Variants in THAP5 observed in about 807,000 individuals in gnomAD.
THAP5 encodes THAP domain-containing protein 5.
Under a neutral mutation model 34.0 loss-of-function variants are expected in THAP5, and 26 were observed. The ratio of observed to expected loss-of-function variants is 0.77; its 90% CI spans 0.56 to 1.06. THAP5 has a LOEUF of 1.06. THAP5 is among the 50% of genes least tolerant of loss of function. The pLI, the probability that THAP5 is intolerant of heterozygous loss-of-function variation, is 0.00. For synonymous variants in THAP5, 125 were observed against 153.0 expected (o/e 0.82, Z 1.35); for missense variants, 394 against 452.8 (o/e 0.87, Z 1.18).
chr7:108,552,533 C>T (rs939300270), downstream of THAP5, among the ~76,000 whole-genome samples: 2 of 152,234 alleles, frequency 1.3e-5, no homozygotes, highest in Admixed American at 1.3e-4. Context: ...GGCATGGTGG[C>T]TCACGCCTGT....
chr7:108,548,660 A>T, the THAP5 span, among the ~76,000 whole-genome samples: 1 of 152,176 alleles, frequency 6.6e-6, no homozygotes, highest in Non-Finnish European at 1.5e-5. Context: ...GCAAATGAGG[A>T]GCAAAGTCAT....
At chr7:108,561,788 T>C (rs1303933507), downstream of THAP5, among the ~76,000 whole-genome samples, 1 of 152,190 alleles carries the variant, frequency 6.6e-6, no homozygotes, top group Admixed American at 6.5e-5. Flanking sequence ...GATTTTTTTC[T>C]ATTCTACCGG....
chr7:108,544,662 A>ATTAC, the THAP5 span, among the ~76,000 whole-genome samples: 1 of 152,020 alleles, frequency 6.6e-6, no homozygotes. Flanking sequence ...TAATTAATTA[A>ATTAC]TTAATTAATT....
chr7:108,558,169 T>A (rs930830639), downstream of THAP5, among the ~76,000 whole-genome samples: 1 of 151,800 alleles, frequency 6.6e-6, no homozygotes, highest in Non-Finnish European at 1.5e-5. Flanking sequence ...GGGATTACAA[T>A]TTGGCATGAG....
downstream of THAP5, among the ~76,000 whole-genome samples, chr7:108,550,476 T>C (rs1463000553): frequency 6.6e-6 from 1 of 151,996 alleles, no homozygotes; most frequent in Non-Finnish European, 1.5e-5. Context: ...TCCATTTTTT[T>C]TTCTATTACA....
At chr7:108,561,009 C>T (rs1864425145), downstream of THAP5, among the ~76,000 whole-genome samples, 1 of 152,182 alleles carries the variant, frequency 6.6e-6, no homozygotes, top group Admixed American at 6.5e-5. Context: ...GTTGAGATTA[C>T]AGGTGTGAGC....
rs1790450710 is a variant in THAP5, at chr7:108,564,873, A to G, written c.506T>C (p.Val169Ala). 2 of 1,607,160 alleles carry G rather than the reference A, an allele frequency of 1.2e-6. No homozygotes were observed. The highest frequency in any genetic ancestry group is 2.7e-5 in the African/African-American group (2 of 74,990). ...TTCTGGTTTCCCAGTATGTTGTTTAACTAGATTAAGAGTTAACATGTTATT... is the reference window on the plus strand; with the variant it reads ...TTCTGGTTTCCCAGTATGTTGTTTAGCTAGATTAAGAGTTAACATGTTATT... The part of the protein sequence containing the change: ...IQNNMLTLNL[V>A]KQHTGKPEST... The change falls in exon 3 of 3, where the codon GTT becomes GCT. Residue 169 changes from valine (V) to alanine (A), a missense_variant. By Grantham distance (64) the Val-to-Ala change is moderately conservative. Transcript: ENST00000415914.
chr7:108,564,182 C>A lies in THAP5; in HGVS notation c.*9G>T, dbSNP rs774419190. The A allele has an allele frequency of 1.9e-6, 3 of 1,542,036 alleles. No individual in the cohort carries two copies. Among genetic ancestry groups the A allele is most frequent in the East Asian group, 4.5e-5 (2 of 44,042 alleles). On this transcript the variant is annotated 3_prime_UTR_variant, in exon 3 of 3. Coordinates refer to ENST00000415914, the MANE Select transcript of THAP5 (RefSeq NM_001130475.3). ...TATTTAACAGCCATAGTTTTAAAAC[C>A]TAGTTATTCTATATCATAGTGACTT...
rs1476686311 is a variant in THAP5, at chr7:108,564,768, G to C, written c.611C>G (p.Thr204Ser). The C allele has an allele frequency of 6.2e-7, 1 of 1,613,306 alleles. No individual in the cohort carries two copies. The highest frequency in any genetic ancestry group is 8.5e-7 in the Non-Finnish European group (1 of 1,179,458). Reference protein sequence around the residue: ...HTCFENLNSTTITLTTSNSES... With the variant: ...HTCFENLNSTSITLTTSNSES... Reference sequence around the variant, plus strand: ...TGAATTTGAAGTTGTCAAAGTAATAGTTGTAGAATTTAGATTCTCAAAACA... The same window carrying C: ...TGAATTTGAAGTTGTCAAAGTAATACTTGTAGAATTTAGATTCTCAAAACA... The change falls in exon 3 of 3, where the codon ACT becomes AGT. Residue 204 changes from threonine (T) to serine (S), a missense_variant. Physicochemically the swap from Thr to Ser is moderately conservative, Grantham distance 58 (BLOSUM62 1). Transcript: ENST00000415914.
chr7:108,554,291 A>G (rs758872157), downstream of THAP5, among the ~76,000 whole-genome samples: 13 of 152,256 alleles, frequency 8.5e-5, no homozygotes, highest in Non-Finnish European at 1.8e-4. Flanking sequence ...TGATCTTTAT[A>G]TGCTTTTCTC....
intron 1 of THAP5, among the ~76,000 whole-genome samples, chr7:108,555,296 C>T (rs1157194050): frequency 6.6e-6 from 1 of 151,990 alleles, no homozygotes; most frequent in African/African-American, 2.4e-5. Flanking sequence ...TCCCAAGTAG[C>T]TGGGCTTACA....
chr7:108,566,257 C>G (rs189369200), intron 1 of THAP5, among the ~76,000 whole-genome samples: 5 of 152,296 alleles, frequency 3.3e-5, no homozygotes, highest in African/African-American at 4.8e-5. Flanking sequence ...CTGATAAGAG[C>G]TGAACATAAT....
At chr7:108,545,040 GA>G in the THAP5 span, among the ~76,000 whole-genome samples, 2 of 151,566 alleles carry the variant, frequency 1.3e-5, no homozygotes, top group African/African-American at 4.8e-5. Flanking sequence ...GATATTTTCA[GA>G]AAAAAAATAA....
At chr7:108,548,386 C>A in the THAP5 span, among the ~76,000 whole-genome samples, 1 of 151,948 alleles carries the variant, frequency 6.6e-6, no homozygotes, top group Non-Finnish European at 1.5e-5. Flanking sequence ...GATAAAAAAA[C>A]AAGTAAAGAA....
At chr7:108,561,654 A>G (rs1005546112), downstream of THAP5, among the ~76,000 whole-genome samples, 2 of 152,128 alleles carry the variant, frequency 1.3e-5, no homozygotes, top group Admixed American at 6.5e-5. Flanking sequence ...GAGGCAGGAA[A>G]GGAAGGGAGG....
At chr7:108,558,377 G>GTGTGTATATATATATATATATATATA (rs1401164750), downstream of THAP5, among the ~76,000 whole-genome samples, 25 of 62,986 alleles carry the variant, frequency 4.0e-4, no homozygotes, top group African/African-American at 1.7e-3. Context: ...ATGTGTGTGT[G>GTGTGTATATATATATATATATATATA]TATGTATATA....
downstream of THAP5, among the ~76,000 whole-genome samples, chr7:108,561,204 C>T (rs910216682): frequency 1.5e-4 from 23 of 152,086 alleles, no homozygotes; most frequent in Non-Finnish European, 2.2e-4. Context: ...CTGACTGAAA[C>T]CTTAGGCATG....
the THAP5 span, among the ~76,000 whole-genome samples, chr7:108,549,226 A>G: frequency 6.7e-6 from 1 of 150,228 alleles, no homozygotes. Context: ...GGTTCAAGTG[A>G]TTTTCCTGCC....
rs936998964 is a variant in THAP5 at position 108,566,040 on chromosome 7, A to G, written c.81-18T>C. ...GAGGAAATCTGGAATTTAAAAAAAA[A>G]AGAAGAAAAAAGGAAAAACTTTGCT... On this transcript the variant is annotated intron_variant, in intron 1 of 2. Transcript: ENST00000415914. 5 of 1,495,512 alleles carry G rather than the reference A, an allele frequency of 3.3e-6. No homozygotes were observed. The highest frequency in any genetic ancestry group is 4.4e-6 in the Non-Finnish European group (5 of 1,127,136). The allele number at this position is 1,495,512 out of a possible 1,614,324, so 92.6% of individuals were successfully genotyped here. A position where few individuals can be genotyped will look rare whatever the true frequency, so the allele number is the denominator to read the frequency against.
Sources: gnomAD v4.1 joint callset for allele counts (sites outside exome capture counted in the v4.1 genomes callset) on GRCh38, gnomAD v4.1.1 for gene constraint, MANE v1.5 for transcripts, NCBI Gene and HGNC (gene_info 2026-07-23, HGNC 2026-07-21) for gene names.